HLA-DRB1: variants seen among roughly 807,000 people sequenced by gnomAD.
The protein encoded by HLA-DRB1 is major histocompatibility complex, class II, DR beta 1.
In HLA-DRB1, 10 loss-of-function variants were observed where a neutral mutation model predicts 27.9. The ratio of observed to expected loss-of-function variants is 0.36; its 90% confidence interval spans 0.22 to 0.61. The LOEUF is 0.61. Ranked by LOEUF, HLA-DRB1 falls within the 20% of genes least tolerant of loss-of-function variation. HLA-DRB1 has a pLI of 0.73. For missense variants in HLA-DRB1, 118 were observed against 306.3 expected, an observed-to-expected ratio of 0.39 and a Z score of 4.59; for synonymous variants, 57 against 126.7, an observed-to-expected ratio of 0.45 and a Z score of 3.69.
intron 3 of HLA-DRB1, 115 bp from the exon 4 acceptor site, chr6:32,580,971 AT>A: frequency 1.5e-6 from 1 of 681,274 alleles, no homozygotes; most frequent in African/African-American, 2.1e-5. Flanking sequence ...AAGAACTAAA[AT>A]AACTAGCCAT....
intron 1 of HLA-DRB1, among the ~76,000 whole-genome samples, chr6:32,586,309 A>G (rs9270070): frequency 0.47 from 31,162 of 65,964 alleles, 10,454 homozygotes; most frequent in Middle Eastern, 0.67. Flanking sequence ...ACTTTTACTC[A>G]CTCTTCAAAT....
At chr6:32,581,032 A>C (rs6938892) in intron 3 of HLA-DRB1, among the ~76,000 whole-genome samples, 176 bp from the exon 4 acceptor site, 15,254 of 59,242 alleles carry the variant, frequency 0.26, 491 homozygotes, top group Middle Eastern at 0.4. Flanking sequence ...TACGACGTTC[A>C]GACATCAAAC....
At chr6:32,584,222 T>A (rs17885129) in exon 2 of HLA-DRB1, 28,379 of 1,275,200 alleles carry the variant, frequency 0.022, 2,052 homozygotes, top group East Asian at 0.091. Flanking sequence ...GTACTCAGCG[T>A]CAGGCCGCCC....
chr6:32,585,572 T>TGTATTCCTGAA (rs1776279874), intron 1 of HLA-DRB1, among the ~76,000 whole-genome samples: 1 of 138,130 alleles, frequency 7.2e-6, no homozygotes. Flanking sequence ...ATATTATTTT[T>TGTATTCCTGAA]TGTATTCCTT....
intron 1 of HLA-DRB1, among the ~76,000 whole-genome samples, chr6:32,585,704 T>A (rs369322215): frequency 0.23 from 22,864 of 101,178 alleles, 3,131 homozygotes; most frequent in East Asian, 0.29. Context: ...TGTCAAATAA[T>A]GCAGTATACC....
At chr6:32,585,308 C>T (rs116614553) in intron 1 of HLA-DRB1, among the ~76,000 whole-genome samples, 51 of 74,834 alleles carry the variant, frequency 6.8e-4, no homozygotes, top group East Asian at 5.3e-3. Context: ...ATAGTCACTA[C>T]TCACTAATGA....
At chr6:32,586,224 C>T (rs796719994) in intron 1 of HLA-DRB1, among the ~76,000 whole-genome samples, 1 of 72,498 alleles carries the variant, frequency 1.4e-5, no homozygotes, top group African/African-American at 5.4e-5. Flanking sequence ...TTAGGTTCAG[C>T]TGGCTCCCTG....
At chr6:32,583,132 A>G (rs1775802388) in intron 2 of HLA-DRB1, among the ~76,000 whole-genome samples, 1 of 73,000 alleles carries the variant, frequency 1.4e-5, no homozygotes, top group African/African-American at 5.5e-5. Flanking sequence ...AGCCCTCAAG[A>G]TATTAGACCG....
At chr6:32,580,980 C>T (rs1301452351) in intron 3 of HLA-DRB1, 124 bp from the exon 4 acceptor site, 13,721 of 567,930 alleles carry the variant, frequency 0.024, 349 homozygotes, top group Middle Eastern at 0.033. Context: ...AATAACTAGC[C>T]ATTTCAGGAG....
intron 1 of HLA-DRB1, among the ~76,000 whole-genome samples, chr6:32,587,966 C>G (rs9270174): frequency 0.017 from 2,253 of 130,452 alleles, 16 homozygotes; most frequent in Middle Eastern, 0.05. Flanking sequence ...GGTATGGGAA[C>G]TGATCACTGT....
chr6:32,582,906 G>A (rs9269867), intron 2 of HLA-DRB1, among the ~76,000 whole-genome samples: 89,980 of 126,632 alleles, frequency 0.71, 33,483 homozygotes, highest in Middle Eastern at 0.83. Context: ...AGACAACAAT[G>A]CCACAAAATG....
chr6:32,584,699 G>A (rs139860564), intron 1 of HLA-DRB1, among the ~76,000 whole-genome samples: 9,618 of 49,806 alleles, frequency 0.19, 86 homozygotes, highest in Admixed American at 0.22. Context: ...GCCTCCTCCT[G>A]GGAGCCCCAA....
chr6:32,581,027 C>T (rs9269775), intron 3 of HLA-DRB1, among the ~76,000 whole-genome samples, 171 bp from the exon 4 acceptor site: 15,540 of 72,542 alleles, frequency 0.21, 3,563 homozygotes, highest in Admixed American at 0.29. Flanking sequence ...ACAGTTACGA[C>T]GTTCAGACAT....
chr6:32,585,971 G>A (rs1776322291), intron 1 of HLA-DRB1, among the ~76,000 whole-genome samples: 1 of 72,548 alleles, frequency 1.4e-5, no homozygotes, highest in Non-Finnish European at 2.7e-5. Flanking sequence ...TAGTGATGGC[G>A]ACTGGATTCA....
At chr6:32,588,922 T>C (rs9270227) in intron 1 of HLA-DRB1, among the ~76,000 whole-genome samples, 68,888 of 103,440 alleles carry the variant, frequency 0.67, 25,251 homozygotes, top group Middle Eastern at 0.84. Flanking sequence ...GAACCTGGGC[T>C]AGTTTTTCAG....
intron 2 of HLA-DRB1, among the ~76,000 whole-genome samples, chr6:32,583,803 C>T (rs186072840): frequency 2.6e-3 from 152 of 59,264 alleles, no homozygotes; most frequent in Middle Eastern, 0.013. Flanking sequence ...CAGCACCCAC[C>T]TCCCTTGTCA....
At chr6:32,585,363 C>G (rs878904795) in intron 1 of HLA-DRB1, among the ~76,000 whole-genome samples, 5,348 of 81,388 alleles carry the variant, frequency 0.066, 101 homozygotes, top group Middle Eastern at 0.075. Context: ...TGAATAAAAA[C>G]ACGATCTCTT....
intron 2 of HLA-DRB1, 47 bp from the exon 3 acceptor site, chr6:32,581,885 A>T (rs758200279): frequency 1.0e-6 from 1 of 966,648 alleles, no homozygotes; most frequent in Non-Finnish European, 1.6e-6. Flanking sequence ...AGACAGAGTA[A>T]GTCTCCTGGT....
chr6:32,589,231 C>T (rs1776997710), intron 1 of HLA-DRB1, among the ~76,000 whole-genome samples: 1 of 129,386 alleles, frequency 7.7e-6, no homozygotes, highest in Non-Finnish European at 1.6e-5. Context: ...AACACTGGAT[C>T]GTCTAGGAGA....
Sources: allele counts gnomAD v4.1 joint callset (sites outside exome capture counted in the v4.1 genomes callset), GRCh38; gene constraint gnomAD v4.1.1; transcripts MANE v1.5; gene names NCBI Gene and HGNC (gene_info 2026-07-23, HGNC 2026-07-21).